Variants in ALG12 observed in about 807,000 individuals in gnomAD.
ALG12 encodes ALG12 alpha-1,6-mannosyltransferase.
In ALG12, 36 loss-of-function variants were observed where a neutral mutation model predicts 46.0. The ratio of observed to expected loss-of-function variants is 0.78; its 90% CI spans 0.60 to 1.03. The LOEUF (loss-of-function observed/expected upper bound fraction) is 1.03. Ranked by LOEUF, ALG12 falls within the 50% of genes least tolerant of loss-of-function variation. ALG12 has a pLI of 0.00. For missense variants in ALG12, 599 were observed against 633.5 expected, an observed-to-expected ratio of 0.95 and a Z score of 0.58; for synonymous variants, 326 against 291.6, an observed-to-expected ratio of 1.12 and a Z score of -1.20.
In ALG12 at chr22:49,907,887, G is replaced by A; in HGVS notation, c.826C>T (p.Leu276=). 5.0e-6 allele frequency: 8 copies of A among 1,613,886 alleles called. No homozygotes were observed. Among genetic ancestry groups the A allele is most frequent in the Non-Finnish European group, 6.8e-6 (8 of 1,180,036 alleles). ...ACCAAGCCCAGGGGGATGAAGAGCA[G>A]GCTGCAGCCCAGGCCGCGGGGCAGG... ...SALPRGLGCS[L]LFIPLGLVDR... Residue 276 remains leucine, a synonymous_variant, in exon 7 of 10, where the codon CTG becomes TTG. Coordinates refer to ENST00000330817, the MANE Select transcript of ALG12 (RefSeq NM_024105.4).
chr22:49,898,453 G>A (rs999514424), downstream of ALG12, among the ~76,000 whole-genome samples: 24 of 150,878 alleles, frequency 1.6e-4, no homozygotes, highest in African/African-American at 5.6e-4. Flanking sequence ...GCAGTGACAC[G>A]ATCTCAGCTC....
the ALG12 span, chr22:49,885,197 A>G: frequency 6.2e-7 from 1 of 1,613,824 alleles, no homozygotes. Flanking sequence ...GTCGGGAGCC[A>G]GAAGGGCTTC....
downstream of ALG12, among the ~76,000 whole-genome samples, chr22:49,897,978 AT>A (rs1226033203): frequency 6.6e-6 from 1 of 150,406 alleles, no homozygotes; most frequent in Admixed American, 6.6e-5. Flanking sequence ...TTGTTTTCTT[AT>A]TTATGAGTTT....
the ALG12 span, among the ~76,000 whole-genome samples, chr22:49,877,703 T>TGA: frequency 6.6e-6 from 1 of 152,178 alleles, no homozygotes; most frequent in African/African-American, 2.4e-5. Flanking sequence ...ACAGCTGCTG[T>TGA]GAACATTTGC....
rs200165051 is a variant in ALG12 at position 49,907,974 on chromosome 22, C to T, written c.769-30G>A. The T allele has an allele frequency of 2.7e-5, 43 of 1,604,646 alleles. No individual in the cohort carries two copies. In the African/African-American group the frequency reaches 5.1e-4, roughly 19 times the overall value. The stretch of plus-strand genomic sequence containing the variant: ...GGGCTGGGTTAAGGAGGCCACGCAC[C>T]TGTCCACGCATGAGCCCGTGGGCTA... On this transcript the variant is annotated intron_variant, in intron 6 of 9. Coordinates refer to ENST00000330817, the MANE Select transcript of ALG12 (RefSeq NM_024105.4).
Position 49,909,286 on chromosome 22 carries a change from C to T in ALG12, c.726G>A (p.Val242=). 6.2e-7 allele frequency: 1 copy of T among 1,614,258 alleles called. No individual in the cohort carries two copies. Among genetic ancestry groups the T allele is most frequent in the Non-Finnish European group, 8.5e-7 (1 of 1,180,040 alleles). ...WRQLTWPEGK[V]LWYNTVLNKS... ...TGTTCAGGACAGTGTTGTACCAAAG[C>T]ACCTTTCCTTCCGGCCAAGTGAGCT... Residue 242 remains valine, a synonymous_variant, in exon 6 of 10, where the codon GTG becomes GTA. Coordinates refer to ENST00000330817, the MANE Select transcript of ALG12 (RefSeq NM_024105.4).
chr22:49,888,630 T>G, the ALG12 span: 2 of 167,258 alleles, frequency 1.2e-5, no homozygotes, highest in African/African-American at 4.8e-5. Flanking sequence ...GTGATGACTT[T>G]CCAGGTCTCG....
chr22:49,891,700 C>T, the ALG12 span, among the ~76,000 whole-genome samples: 9,305 of 152,242 alleles, frequency 0.061, 379 homozygotes, highest in South Asian at 0.18. Context: ...CCTTTTCAAA[C>T]TGATTCTTAC....
chr22:49,885,441 T>C, the ALG12 span: 176 of 1,610,334 alleles, frequency 1.1e-4, no homozygotes, highest in Non-Finnish European at 1.4e-4. Context: ...AGAAGCCGAC[T>C]AACTTGGGTA....
rs121907933 is a variant in ALG12, at chr22:49,910,602, C to A, written c.301G>T (p.Gly101Ter). The stretch of plus-strand genomic sequence containing the variant: ...AAAATCACGCCGAGTCCAAGCACTC[C>A]TCTAACTAAACAAAGACAGTGACAG... The part of the protein sequence containing the change: ...SKFYSQLIVR[G>*]VLGLGVIFGL... The change falls in exon 4 of 10, where the codon GGA becomes TGA. Residue 101 changes from glycine (G) to a stop codon, truncating the protein, a stop_gained. Transcript: ENST00000330817. LOFTEE classifies it high-confidence loss of function. 6.2e-7 allele frequency: 1 copy of A among 1,614,140 alleles called. No individual in the cohort carries two copies. The highest frequency in any genetic ancestry group is 1.7e-5 in the Admixed American group (1 of 60,032).
At chr22:49,908,596 G>A (rs951112426) in intron 6 of ALG12, among the ~76,000 whole-genome samples, 1 of 144,664 alleles carries the variant, frequency 6.9e-6, no homozygotes. Flanking sequence ...GTTGGGATTC[G>A]TTATGCTGTT....
chr22:49,872,362 G>C, the ALG12 span, among the ~76,000 whole-genome samples: 3 of 152,096 alleles, frequency 2.0e-5, no homozygotes, highest in Non-Finnish European at 4.4e-5. Flanking sequence ...CCGTATCTTT[G>C]GGTTCTGTGT....
At chr22:49,898,029 T>C (rs992153724), downstream of ALG12, among the ~76,000 whole-genome samples, 9 of 152,024 alleles carry the variant, frequency 5.9e-5, no homozygotes, top group African/African-American at 2.2e-4. Flanking sequence ...GTTCAATATA[T>C]ACTTTGTATA....
chr22:49,870,474 C>T, the ALG12 span, among the ~76,000 whole-genome samples: 3 of 152,268 alleles, frequency 2.0e-5, no homozygotes, highest in South Asian at 2.1e-4. Context: ...TCTCTGTAGC[C>T]TCTCCAGCAT....
At chr22:49,860,596 T>C in the ALG12 span, among the ~76,000 whole-genome samples, 17 of 151,928 alleles carry the variant, frequency 1.1e-4, no homozygotes, top group African/African-American at 4.1e-4. Flanking sequence ...TTTTATTTTA[T>C]TTATTTTTCC....
At chr22:49,896,986 A>C (rs1038629785), downstream of ALG12, among the ~76,000 whole-genome samples, 2 of 151,946 alleles carry the variant, frequency 1.3e-5, no homozygotes, top group East Asian at 1.9e-4. Context: ...AAAAAAAAAA[A>C]CAATTCCTCA....
chr22:49,911,609 A>G (rs937379421), intron 3 of ALG12, among the ~76,000 whole-genome samples: 2 of 151,818 alleles, frequency 1.3e-5, no homozygotes, highest in Non-Finnish European at 2.9e-5. Context: ...TAATTTTTGT[A>G]TTTTTAGTAG....
the ALG12 span, chr22:49,884,341 G>A: frequency 1.2e-6 from 2 of 1,613,546 alleles, no homozygotes; most frequent in Admixed American, 3.3e-5. Flanking sequence ...AGAGGAGTCT[G>A]TGTCTGTAGT....
rs1383357446 is a variant in ALG12 at position 49,905,901 on chromosome 22, C to T, written c.993-1395G>A. 2.6e-5 allele frequency among the ~76,000 whole-genome samples: 4 copies of T among 152,166 alleles called. No homozygotes were observed. The highest frequency in any genetic ancestry group is 5.9e-5 in the Non-Finnish European group (4 of 68,026). On this transcript the variant is annotated intron_variant, in intron 7 of 9. Coordinates refer to ENST00000330817, the MANE Select transcript of ALG12 (RefSeq NM_024105.4). The surrounding 1 kb of genome is among the most constrained non-coding windows in gnomAD (Gnocchi z 4.9). ...AGCTCAGCACTGCCAGGGCGTTCGT[C>T]CTTTGTTCCCGCCCAAACCTGGAGT... is the stretch of plus-strand genomic sequence containing the variant.
Sources: gnomAD v4.1 joint callset for allele counts (sites outside exome capture counted in the v4.1 genomes callset) on GRCh38, gnomAD v4.1.1 for gene constraint, Gnocchi (gnomAD v3.1) non-coding constraint, MANE v1.5 for transcripts, NCBI Gene and HGNC (gene_info 2026-07-23, HGNC 2026-07-21) for gene names.